The following DEPDC1 variants were observed in gnomAD, a reference collection of about 807,000 sequenced individuals.
DEPDC1 encodes the protein DEP domain-containing protein 1A.
DEPDC1 carries 66 observed loss-of-function variants against 86.8 expected under a neutral mutation model. The ratio of observed to expected loss-of-function variants is 0.76; its 90% CI spans 0.62 to 0.93. The LOEUF is 0.93. Among genes scored for constraint, DEPDC1 ranks in the 40% least tolerant of loss-of-function variants. DEPDC1 has a pLI of 0.00. For missense variants in DEPDC1, 792 were observed against 935.7 expected, an observed-to-expected ratio of 0.85 and a Z score of 2.00; for synonymous variants, 255 against 314.9, an observed-to-expected ratio of 0.81 and a Z score of 2.02.
At position 68,489,476 on chromosome 1, in the gene DEPDC1, T is replaced by C; in HGVS notation, c.447A>G (p.Lys149=). 1 of 1,519,456 alleles carries C rather than the reference T, an allele frequency of 6.6e-7. No homozygotes were observed. 94.1% of individuals were successfully genotyped at this position (1,519,456 alleles called of 1,614,324 possible). A position where few individuals can be genotyped will look rare whatever the true frequency, so the allele number is the denominator to read the frequency against. The change falls in exon 3 of 12, where the codon AAA becomes AAG. Residue 149 remains lysine (K), a synonymous_variant. Coordinates refer to ENST00000456315, the MANE Select transcript of DEPDC1 (RefSeq NM_001114120.3). The part of the protein sequence containing the change: ...KLRNLSRRTP[K]RHGLHLSQEN... ...CCTGAGATAAATGTAATCCATGCCT[T>C]TTAGGAGTTCTACGAGATAAGTTTC...
chr1:68,495,731 A>G (rs532253338), intron 1 of DEPDC1, among the ~76,000 whole-genome samples: 3 of 152,182 alleles, frequency 2.0e-5, no homozygotes, highest in South Asian at 2.1e-4. Flanking sequence ...CTCTGCCACT[A>G]TTGTTTATGA....
chr1:68,483,011 T>C, intron 7 of DEPDC1, 114 bp from the exon 8 acceptor site: 2 of 1,128,734 alleles, frequency 1.8e-6, no homozygotes, highest in Non-Finnish European at 2.5e-6. Flanking sequence ...ATATTGTTAG[T>C]ATAGTATACA....
chr1:68,494,519 C>T lies in DEPDC1; in HGVS notation c.225G>A (p.Leu75=), dbSNP rs143889175. ...CATGATTCTTAAGAAATTTCCTCAA[C>T]AGTTGGATAGTCTGTTGCCTTGTAA... is the stretch of plus-strand genomic sequence containing the variant. ...PEVTRQQTIQ[L]LRKFLKNHVI... The change falls in exon 2 of 12, where the codon CTG becomes CTA. Residue 75 remains leucine (L), a synonymous_variant. Transcript: ENST00000456315. The T allele has an allele frequency of 3.3e-4, 532 of 1,613,638 alleles. 1 individual carries two copies. The highest frequency in any genetic ancestry group is 3.5e-4 in the Non-Finnish European group (411 of 1,179,794).
intron 9 of DEPDC1, among the ~76,000 whole-genome samples, chr1:68,479,982 T>G (rs1191278975): frequency 6.6e-6 from 1 of 151,980 alleles, no homozygotes; most frequent in East Asian, 1.9e-4. Flanking sequence ...TTACATTAAA[T>G]GAATCCCACA....
At chr1:68,478,025 G>T in intron 10 of DEPDC1, 53 bp from the exon 11 acceptor site, 1 of 1,297,076 alleles carries the variant, frequency 7.7e-7, no homozygotes, top group Non-Finnish European at 1.0e-6. Flanking sequence ...GTTCTTATAT[G>T]ATAAAGTATT....
In DEPDC1 at chr1:68,477,053, G is replaced by A. The variant is rs774688113; in HGVS notation, c.2315C>T (p.Pro772Leu). The change falls in exon 12 of 12, where the codon CCT becomes CTT. Residue 772 changes from proline (P) to leucine (L), a missense_variant. By Grantham distance (98) the Pro-to-Leu change is moderately conservative. Transcript: ENST00000456315. ...KKLKQFQKEYPLIYQKRFPTT... is the reference protein window; with the variant it reads ...KKLKQFQKEYLLIYQKRFPTT... ...TGGAAATCTTTTCTGATATATCAAA[G>A]GATATTCCTTCTGAAACTTAAAAAT... is the stretch of plus-strand genomic sequence containing the variant. 41 of 1,600,804 alleles carry A rather than the reference G, an allele frequency of 2.6e-5. No homozygotes were observed. Among genetic ancestry groups the A allele is most frequent in the South Asian group, 2.4e-4 (21 of 88,342 alleles).
At chr1:68,489,113 A>G (rs1235914969) in intron 3 of DEPDC1, 79 bp from the exon 4 acceptor site, 2 of 877,786 alleles carry the variant, frequency 2.3e-6, no homozygotes, top group Admixed American at 4.0e-5. Context: ...TTCTATTACT[A>G]TCAGTCCATT....
At chr1:68,489,755 A>T (rs182703890) in intron 2 of DEPDC1, 147 bp from the exon 3 acceptor site, 3 of 546,006 alleles carry the variant, frequency 5.5e-6, no homozygotes, top group South Asian at 3.3e-5. Context: ...TTTCCCATTA[A>T]ACCTTTAAAA....
chr1:68,481,937 G>T, intron 8 of DEPDC1, 109 bp downstream of exon 8: 3 of 1,120,222 alleles, frequency 2.7e-6, no homozygotes, highest in Non-Finnish European at 3.7e-6. Flanking sequence ...AATTCCTCTT[G>T]GAGGAAAAAA....
At chr1:68,489,872 A>C (rs2100266929) in intron 2 of DEPDC1, among the ~76,000 whole-genome samples, 1 of 152,140 alleles carries the variant, frequency 6.6e-6, no homozygotes, top group East Asian at 1.9e-4. Context: ...TATTGCTTAC[A>C]CACAAAATGG....
intron 6 of DEPDC1, among the ~76,000 whole-genome samples, chr1:68,484,554 T>C (rs1290816298): frequency 6.6e-6 from 1 of 151,996 alleles, no homozygotes; most frequent in Non-Finnish European, 1.5e-5. Flanking sequence ...GACACAACTA[T>C]TGAAATAATC....
At position 68,477,878 on chromosome 1, in the gene DEPDC1, G is replaced by C. The variant is rs374648098; in HGVS notation, c.2207C>G (p.Ser736Cys). 2.2e-5 allele frequency: 35 copies of C among 1,589,456 alleles called. No homozygotes were observed. Among genetic ancestry groups the C allele is most frequent in the East Asian group, 2.0e-4 (9 of 44,278 alleles). Residue 736 changes from serine (S) to cysteine (C), a missense_variant, in exon 11 of 12, where the codon TCT (serine) becomes TGT (cysteine). Physicochemically the swap from Ser to Cys is moderately radical, Grantham distance 112. Coordinates refer to ENST00000456315, the MANE Select transcript of DEPDC1 (RefSeq NM_001114120.3). ...SAQEFDEQKV[S>C]TSQAAIAELL... ...TTCTGCAATTGCAGCTTGAGAGGTA[G>C]AAACTTTTTGCTCATCAAACTCCTG...
Position 68,496,723 on chromosome 1 carries a change from G to T in DEPDC1, c.48+229C>A, listed in dbSNP as rs561658380. The T allele has an allele frequency of 6.7e-6, 3 of 446,920 alleles. No homozygotes were observed. The highest frequency in any genetic ancestry group is 4.0e-6 in the Non-Finnish European group (1 of 249,864). 27.7% of individuals were successfully genotyped at this position (446,920 alleles called of 1,614,324 possible). On this transcript the variant is annotated intron_variant, in intron 1 of 11. Coordinates refer to ENST00000456315, the MANE Select transcript of DEPDC1 (RefSeq NM_001114120.3). This position sits in a 1 kb window ranked among gnomAD's most constrained non-coding sequence, Gnocchi z 4.0. ...AGCGAGTCTGGTGCGGCCTACGCGC[G>T]GCGCTTCCTTTCGGACCTGAGGCCC...
chr1:68,484,712 C>A (rs1432647711), intron 6 of DEPDC1, among the ~76,000 whole-genome samples: 1 of 151,906 alleles, frequency 6.6e-6, no homozygotes, highest in Non-Finnish European at 1.5e-5. Context: ...AAAATAAGCA[C>A]AAGGCCCAGG....
rs750265090 is a variant in DEPDC1, at chr1:68,484,010, G to T, written c.850C>A (p.Leu284Ile). 1.3e-6 allele frequency: 2 copies of T among 1,575,382 alleles called. No homozygotes were observed. Among genetic ancestry groups the T allele is most frequent in the Non-Finnish European group, 1.7e-6 (2 of 1,157,818 alleles). ...DVFRTIADYF[L>I]DLPEPLLTFE... is the part of the protein sequence containing the mutation. ...GTAAGTAGAGGTTCAGGGAGATCTA[G>T]AAAATAATCTGCGATTGTTCTGAAT... The change falls in exon 7 of 12, where the codon CTA becomes ATA. Residue 284 changes from leucine to isoleucine, a missense_variant. Coordinates refer to ENST00000456315, the MANE Select transcript of DEPDC1 (RefSeq NM_001114120.3).
chr1:68,486,435 T>C (rs1646193123), intron 6 of DEPDC1, among the ~76,000 whole-genome samples: 1 of 152,110 alleles, frequency 6.6e-6, no homozygotes, highest in African/African-American at 2.4e-5. Flanking sequence ...CATGAGCCAA[T>C]TAAACCTCTT....
intron 2 of DEPDC1, among the ~76,000 whole-genome samples, chr1:68,492,988 C>T (rs908252435): frequency 6.6e-6 from 1 of 151,786 alleles, no homozygotes; most frequent in Non-Finnish European, 1.5e-5. Context: ...AAACATGGGC[C>T]GAAAGCTCAG....
In DEPDC1 at chr1:68,494,702, AAAG is replaced by A. The variant is rs1646253123; in HGVS notation, c.49-10_49-8del. On this transcript the variant is annotated splice_polypyrimidine_tract_variant and splice_region_variant and intron_variant, in intron 1 of 11. Coordinates refer to ENST00000456315, the MANE Select transcript of DEPDC1 (RefSeq NM_001114120.3). ...ATGTGGTAACTTCATTCCACTGTAA[AAAG>A]AAGGAAAATATTTTTAAAAAATTGA... 1 of 1,596,490 alleles carries A rather than the reference AAAG, an allele frequency of 6.3e-7. No individual in the cohort carries two copies.
intron 11 of DEPDC1, among the ~76,000 whole-genome samples, 194 bp from the exon 12 acceptor site, chr1:68,477,263 T>G (rs1176448445): frequency 2.0e-5 from 3 of 151,744 alleles, no homozygotes; most frequent in African/African-American, 7.2e-5. Context: ...TCATTAACAT[T>G]AACATTTTAG....
Sources: allele counts gnomAD v4.1 joint callset (sites outside exome capture counted in the v4.1 genomes callset), GRCh38; gene constraint gnomAD v4.1.1; non-coding constraint Gnocchi (gnomAD v3.1); transcripts MANE v1.5; gene names NCBI Gene and HGNC (gene_info 2026-07-23, HGNC 2026-07-21).